Variants in EME2 observed in about 807,000 individuals in gnomAD.
EME2 encodes the protein structure-specific endonuclease subunit EME2.
A neutral mutation model predicts 41.9 loss-of-function variants in EME2; 58 were observed. The observed-to-expected ratio is 1.38, with a 90% confidence interval of 1.12 to 1.72. The LOEUF (loss-of-function observed/expected upper bound fraction) is 1.72. Ranked by LOEUF, EME2 falls within the 40% of genes most tolerant of loss-of-function variation. The pLI is 0.00. For synonymous variants in EME2, 334 were observed against 239.3 expected (o/e 1.40, Z -3.65); for missense variants, 695 against 541.9 (o/e 1.28, Z -2.81).
At chr16:1,773,915 G>C in intron 2 of EME2, 74 bp downstream of exon 2, 1 of 1,464,688 alleles carries the variant, frequency 6.8e-7, no homozygotes, top group Non-Finnish European at 9.0e-7. Flanking sequence ...CCCTGGAGCT[G>C]TCCCTGAGGC....
Position 1,773,800 on chromosome 16 carries a change from C to G in EME2, c.343C>G (p.Leu115Val), listed in dbSNP as rs1040947078. The change falls in exon 2 of 8, where the codon CTG becomes GTG. Residue 115 changes from leucine (L) to valine (V), a missense_variant. Leu to Val is a conservative substitution (Grantham distance 32, BLOSUM62 1). Transcript: ENST00000568449. ...CGAGCCCCAGCGCCCGGCCCGCAGC[C>G]TGCGGTGGACCCGAGCGAGTCCCGA... is the stretch of plus-strand genomic sequence containing the variant. The part of the protein sequence containing the change: ...RIEPQRPARS[L>V]RWTRASPDPC... The G allele has an allele frequency of 6.4e-7, 1 of 1,556,786 alleles. No individual in the cohort carries two copies. The highest frequency in any genetic ancestry group is 8.7e-7 in the Non-Finnish European group (1 of 1,152,562).
chr16:1,781,328 GC>G lies in EME2; in HGVS notation c.*5092del, dbSNP rs758961520. 8 of 1,612,864 alleles carry G rather than the reference GC, an allele frequency of 5.0e-6. No homozygotes were observed. The East Asian group carries it at 1.8e-4, about 36-fold the overall frequency. ...TAGGGCATCTCCACACCTTAGGCCA[GC>G]CACGTCCGCCTCGCCCGCTGGAACC... On this transcript the variant is annotated 3_prime_UTR_variant, in exon 8 of 8. Transcript: ENST00000568449.
At position 1,777,686 on chromosome 16, in the gene EME2, G is replaced by A. The variant is rs772240739; in HGVS notation, c.*1448G>A. The A allele has an allele frequency of 2.4e-5, 39 of 1,595,876 alleles. No individual in the cohort carries two copies. Among genetic ancestry groups the A allele is most frequent in the Middle Eastern group, 2.1e-4 (1 of 4,674 alleles). On this transcript the variant is annotated 3_prime_UTR_variant, in exon 8 of 8. Transcript: ENST00000568449. ...ACCTCAGTGTCCCCTGGGCTGGGGC[G>A]GGGTGGCTGCCTCCCTCGGGGTGAC...
Position 1,780,742 on chromosome 16 carries a change from G to C in EME2, c.*4504G>C, listed in dbSNP as rs1896680416. The C allele has an allele frequency of 6.2e-6, 1 of 162,418 alleles. No homozygotes were observed. The highest frequency in any genetic ancestry group is 1.5e-4 in the South Asian group (1 of 6,880). The allele number at this position is 162,418 out of a possible 1,614,324, so 10.1% of individuals were successfully genotyped here. On this transcript the variant is annotated 3_prime_UTR_variant, in exon 8 of 8. Transcript: ENST00000568449. ...TAAACCAAAGAATTTTTTTGTTTTTGTTTTTTTTGAGTCAGGGTCTAGCTC... is the reference window on the plus strand; with the variant it reads ...TAAACCAAAGAATTTTTTTGTTTTTCTTTTTTTTGAGTCAGGGTCTAGCTC...
Position 1,779,792 on chromosome 16 carries a change from C to G in EME2, c.*3554C>G, listed in dbSNP as rs1172340234. ...GGACAAGCAGCACATGTGTCGAACA[C>G]TGCCGAGCCCGCAGGCACGCCTGCA... On this transcript the variant is annotated 3_prime_UTR_variant, in exon 8 of 8. Transcript: ENST00000568449. 6.6e-6 allele frequency: 1 copy of G among 152,294 alleles called. No homozygotes were observed. The allele number at this position is 152,294 out of a possible 1,614,324, so 9.4% of individuals were successfully genotyped here.
Position 1,777,533 on chromosome 16 carries a change from G to T in EME2, c.*1295G>T. On this transcript the variant is annotated 3_prime_UTR_variant, in exon 8 of 8. Coordinates refer to ENST00000568449, the MANE Select transcript of EME2 (RefSeq NM_001257370.2). ...TCAGACCTCACGCTACAGTCACCCGGGTGGGCAGCTGGCACAGCTGAGGCA... is the reference window on the plus strand; with the variant it reads ...TCAGACCTCACGCTACAGTCACCCGTGTGGGCAGCTGGCACAGCTGAGGCA... 7.2e-7 allele frequency: 1 copy of T among 1,390,238 alleles called. No homozygotes were observed. The highest frequency in any genetic ancestry group is 9.5e-7 in the Non-Finnish European group (1 of 1,054,222). 86.1% of individuals were successfully genotyped at this position (1,390,238 alleles called of 1,614,324 possible). A position where few individuals can be genotyped will look rare whatever the true frequency, so the allele number is the denominator to read the frequency against.
rs775651913 is a variant in EME2 at position 1,778,419 on chromosome 16, TG to T, written c.*2184del. 3 of 1,606,058 alleles carry T rather than the reference TG, an allele frequency of 1.9e-6. No homozygotes were observed. The highest frequency in any genetic ancestry group is 2.6e-6 in the Non-Finnish European group (3 of 1,176,334). ...CCCGCAGTGCAGTCCCAGCAGGGGCTGGGCCCCACGCTCACACTCGTCTTCC... is the reference window on the plus strand; with the variant it reads ...CCCGCAGTGCAGTCCCAGCAGGGGCTGGCCCCACGCTCACACTCGTCTTCC... On this transcript the variant is annotated 3_prime_UTR_variant, in exon 8 of 8. Coordinates refer to ENST00000568449, the MANE Select transcript of EME2 (RefSeq NM_001257370.2).
chr16:1,778,961 G>A lies in EME2; in HGVS notation c.*2723G>A, dbSNP rs1042545273. The A allele has an allele frequency of 4.8e-6, 1 of 207,678 alleles. No individual in the cohort carries two copies. 12.9% of individuals were successfully genotyped at this position (207,678 alleles called of 1,614,324 possible). ...CCTTCCCTGCTAGGCCAGCCCTGCA[G>A]GGGCCCCCAGGCAAGGCCACCACCC... On this transcript the variant is annotated 3_prime_UTR_variant, in exon 8 of 8. Transcript: ENST00000568449.
At position 1,775,035 on chromosome 16, in the gene EME2, C is replaced by T. The variant is rs372710437; in HGVS notation, c.478-6C>T. The T allele has an allele frequency of 5.3e-5, 85 of 1,606,870 alleles. No individual in the cohort carries two copies. Among genetic ancestry groups the T allele is most frequent in the South Asian group, 3.2e-4 (29 of 90,966 alleles). On this transcript the variant is annotated splice_polypyrimidine_tract_variant and splice_region_variant and intron_variant, in intron 3 of 7. Transcript: ENST00000568449. ...GAACAACTGTGCCACACGTTCTCAT[C>T]TTCAGATCTCTGGCCCAACCCACTG...
In EME2 at chr16:1,778,678, G is replaced by A; in HGVS notation, c.*2440G>A. Reference sequence around the variant, plus strand: ...CTCTACCCTCTCACCCTTGCCCTCTGTCCCTGTCCCACCCTGTCCCTGACC... The same window carrying A: ...CTCTACCCTCTCACCCTTGCCCTCTATCCCTGTCCCACCCTGTCCCTGACC... On this transcript the variant is annotated 3_prime_UTR_variant, in exon 8 of 8. Coordinates refer to ENST00000568449, the MANE Select transcript of EME2 (RefSeq NM_001257370.2). 1 of 1,490,890 alleles carries A rather than the reference G, an allele frequency of 6.7e-7. No homozygotes were observed. 92.4% of individuals were successfully genotyped at this position (1,490,890 alleles called of 1,614,324 possible). A position where few individuals can be genotyped will look rare whatever the true frequency, so the allele number is the denominator to read the frequency against.
Position 1,774,146 on chromosome 16 carries a change from C to T in EME2, c.385-114C>T. 5 of 951,860 alleles carry T rather than the reference C, an allele frequency of 5.3e-6. No homozygotes were observed. In the Admixed American group the frequency reaches 7.4e-5, roughly 14 times the overall value. 59.0% of individuals were successfully genotyped at this position (951,860 alleles called of 1,614,324 possible). On this transcript the variant is annotated intron_variant, in intron 2 of 7. Coordinates refer to ENST00000568449, the MANE Select transcript of EME2 (RefSeq NM_001257370.2). The stretch of plus-strand genomic sequence containing the variant: ...CTGGGCTTCTGTAGAGCAGGCCTGT[C>T]AGGGCCTGGGCTTGGCTGGGGCCAC...
intron 3 of EME2, 198 bp from the exon 4 acceptor site, chr16:1,774,843 A>G: frequency 1.5e-6 from 1 of 646,680 alleles, no homozygotes; most frequent in Non-Finnish European, 2.8e-6. Flanking sequence ...CAGCCACTCC[A>G]GGGTCTCCTT....
Position 1,778,758 on chromosome 16 carries a change from G to C in EME2, c.*2520G>C. The C allele has an allele frequency of 1.2e-6, 1 of 866,480 alleles. No homozygotes were observed. The highest frequency in any genetic ancestry group is 1.9e-5 in the South Asian group (1 of 51,658). 53.7% of individuals were successfully genotyped at this position (866,480 alleles called of 1,614,324 possible). A position where few individuals can be genotyped will look rare whatever the true frequency, so the allele number is the denominator to read the frequency against. Reference sequence around the variant, plus strand: ...CCAGGGACTTCACAGTACCCCGAGCGCACAGCCCAGGCTCCCTCCCAACGG... The same window carrying C: ...CCAGGGACTTCACAGTACCCCGAGCCCACAGCCCAGGCTCCCTCCCAACGG... On this transcript the variant is annotated 3_prime_UTR_variant, in exon 8 of 8. Transcript: ENST00000568449.
intron 1 of EME2, 80 bp from the exon 2 acceptor site, chr16:1,773,625 C>G (rs1236601724): frequency 6.5e-7 from 1 of 1,542,316 alleles, no homozygotes; most frequent in Non-Finnish European, 8.7e-7. Context: ...TGGAGACTCC[C>G]CGGTCCGGCC....
rs780064772 is a variant in EME2, at chr16:1,775,067, C to T, written c.504C>T (p.Pro168=). ...TCTCTGGCCCAACCCACTGGGTGCC[C>T]TGGATCTCCCCCGAGACCACCGCCC... ...TQISGPTHWV[P]WISPETTARP... Residue 168 remains proline, a synonymous_variant, in exon 4 of 8, where the codon CCC becomes CCT. Coordinates refer to ENST00000568449, the MANE Select transcript of EME2 (RefSeq NM_001257370.2). 1.2e-6 allele frequency: 2 copies of T among 1,610,366 alleles called. No individual in the cohort carries two copies. The highest frequency in any genetic ancestry group is 1.1e-5 in the South Asian group (1 of 91,066).
In EME2 at chr16:1,779,343, G is replaced by A. The variant is rs1019305537; in HGVS notation, c.*3105G>A. 6.6e-5 allele frequency: 10 copies of A among 152,650 alleles called. No individual in the cohort carries two copies. The highest frequency in any genetic ancestry group is 2.0e-4 in the Admixed American group (3 of 15,296). 9.5% of individuals were successfully genotyped at this position (152,650 alleles called of 1,614,324 possible). ...ACCCAGGGGCTGAATGGACCAGGGGGTCAGCAGGGAGAGTGCTAAGTGGTG... is the reference window on the plus strand; with the variant it reads ...ACCCAGGGGCTGAATGGACCAGGGGATCAGCAGGGAGAGTGCTAAGTGGTG... On this transcript the variant is annotated 3_prime_UTR_variant, in exon 8 of 8. Coordinates refer to ENST00000568449, the MANE Select transcript of EME2 (RefSeq NM_001257370.2).
rs1054095701 is a variant in EME2 at position 1,776,665 on chromosome 16, G to A, written c.*427G>A. Reference sequence around the variant, plus strand: ...TGAGGCCTGGGAGAAGGCCCAGGCTGCTCGCAAGCCCGGCCTCTGCACGGA... The same window carrying A: ...TGAGGCCTGGGAGAAGGCCCAGGCTACTCGCAAGCCCGGCCTCTGCACGGA... On this transcript the variant is annotated 3_prime_UTR_variant, in exon 8 of 8. Transcript: ENST00000568449. 1 of 283,904 alleles carries A rather than the reference G, an allele frequency of 3.5e-6. No individual in the cohort carries two copies. Among genetic ancestry groups the A allele is most frequent in the Non-Finnish European group, 6.6e-6 (1 of 150,404 alleles). 17.6% of individuals were successfully genotyped at this position (283,904 alleles called of 1,614,324 possible).
intron 3 of EME2, among the ~76,000 whole-genome samples, chr16:1,774,626 C>G (rs1438274006): frequency 6.6e-6 from 1 of 152,274 alleles, no homozygotes; most frequent in Admixed American, 6.5e-5. Flanking sequence ...CGTCCTCTGA[C>G]AGCAGACAGC....
At chr16:1,774,687 C>T (rs908992143) in intron 3 of EME2, among the ~76,000 whole-genome samples, 1 of 152,208 alleles carries the variant, frequency 6.6e-6, no homozygotes, top group African/African-American at 2.4e-5. Flanking sequence ...TGCCAGGTAG[C>T]GTGGGGTTAG....
Sources: gnomAD v4.1 joint callset for allele counts (sites outside exome capture counted in the v4.1 genomes callset) on GRCh38, gnomAD v4.1.1 for gene constraint, MANE v1.5 for transcripts, NCBI Gene and HGNC (gene_info 2026-07-23, HGNC 2026-07-21) for gene names.